Variants in CSGALNACT1 observed in about 807,000 individuals in gnomAD.
CSGALNACT1 encodes chondroitin sulfate N-acetylgalactosaminyltransferase 1, also known as beta4GalNAcT-1.
CSGALNACT1 carries 52 observed loss-of-function variants against 51.0 expected under a neutral mutation model. That is an observed-to-expected ratio of 1.02 (90% confidence interval 0.82 to 1.29). CSGALNACT1 has a LOEUF of 1.29. Among genes scored for constraint, CSGALNACT1 ranks in the 50% most tolerant of loss-of-function variants. The probability of loss-of-function intolerance (pLI) is 0.00; values close to 1 mark genes in which losing one functional copy is unlikely to be tolerated. For synonymous variants in CSGALNACT1, 341 were observed against 254.4 expected, an observed-to-expected ratio of 1.34 and a Z score of -3.24; for missense variants, 935 against 679.2, an observed-to-expected ratio of 1.38 and a Z score of -4.19.
At chr8:19,570,259 C>T (rs561701718) in intron 3 of CSGALNACT1, among the ~76,000 whole-genome samples, 8 of 152,196 alleles carry the variant, frequency 5.3e-5, no homozygotes, top group African/African-American at 1.9e-4. Context: ...GGCTGTTTCC[C>T]AAGGCTTAAT....
At chr8:19,724,588 T>C (rs1011276439) in intron 1 of CSGALNACT1, among the ~76,000 whole-genome samples, 2 of 152,250 alleles carry the variant, frequency 1.3e-5, no homozygotes, top group African/African-American at 4.8e-5. Flanking sequence ...TCCCTTTTGC[T>C]GCATATAATA....
chr8:19,698,988 A>C (rs1270158481), intron 1 of CSGALNACT1, among the ~76,000 whole-genome samples: 1 of 152,154 alleles, frequency 6.6e-6, no homozygotes, highest in Admixed American at 6.5e-5. Context: ...ATAATACCTG[A>C]CGCAATGTAA....
intron 3 of CSGALNACT1, among the ~76,000 whole-genome samples, chr8:19,546,292 G>A (rs1380045628): frequency 6.6e-6 from 1 of 152,118 alleles, no homozygotes; most frequent in Non-Finnish European, 1.5e-5. Flanking sequence ...TTTCATATAT[G>A]CCTAGAGGGC....
chr8:19,671,229 G>C (rs1056624961), intron 1 of CSGALNACT1, among the ~76,000 whole-genome samples: 1 of 152,278 alleles, frequency 6.6e-6, no homozygotes, highest in Non-Finnish European at 1.5e-5. Flanking sequence ...CAGAACCCAT[G>C]CCAGACCCTG....
At chr8:19,476,307 C>T (rs928862682) in intron 4 of CSGALNACT1, among the ~76,000 whole-genome samples, 3 of 152,136 alleles carry the variant, frequency 2.0e-5, no homozygotes, top group Non-Finnish European at 2.9e-5. Flanking sequence ...GGCAAGATCT[C>T]GGCTCACTGC....
At chr8:19,673,601 A>G (rs1190098419) in intron 1 of CSGALNACT1, among the ~76,000 whole-genome samples, 2 of 152,170 alleles carry the variant, frequency 1.3e-5, no homozygotes, top group Non-Finnish European at 2.9e-5. Flanking sequence ...CTATCCTGAG[A>G]AATGATCTGA....
intron 3 of CSGALNACT1, among the ~76,000 whole-genome samples, chr8:19,576,849 C>T (rs1273532125): frequency 6.6e-6 from 1 of 152,088 alleles, no homozygotes; most frequent in African/African-American, 2.4e-5. Flanking sequence ...TGACTTGTTT[C>T]CTGTGCAACT....
At chr8:19,465,548 G>T (rs2066479278) in intron 4 of CSGALNACT1, among the ~76,000 whole-genome samples, 1 of 152,196 alleles carries the variant, frequency 6.6e-6, no homozygotes, top group African/African-American at 2.4e-5. Flanking sequence ...AAGTCTAGCA[G>T]TTTCTCACAG....
intron 4 of CSGALNACT1, among the ~76,000 whole-genome samples, chr8:19,470,788 G>C (rs1243302760): frequency 1.3e-5 from 2 of 152,096 alleles, no homozygotes; most frequent in African/African-American, 2.4e-5. Context: ...CAATGTCCTG[G>C]GAACATGTGT....
At chr8:19,436,965 A>G (rs1473974571) in intron 6 of CSGALNACT1, among the ~76,000 whole-genome samples, 1 of 152,074 alleles carries the variant, frequency 6.6e-6, no homozygotes, top group Admixed American at 6.6e-5. Flanking sequence ...ACCTGGCATT[A>G]TTTTTCTCTT....
intron 1 of CSGALNACT1, among the ~76,000 whole-genome samples, chr8:19,615,719 A>C (rs1589046646): frequency 6.6e-6 from 1 of 152,366 alleles, no homozygotes; most frequent in South Asian, 2.1e-4. Flanking sequence ...AGACAGATCT[A>C]AAGTCAAGTG....
At chr8:19,585,500 C>T (rs76545552) in intron 3 of CSGALNACT1, among the ~76,000 whole-genome samples, 119 of 152,302 alleles carry the variant, frequency 7.8e-4, no homozygotes, top group African/African-American at 2.7e-3. Context: ...TAGATTCCTC[C>T]GACTTCATCT....
At chr8:19,406,654 C>T (rs2054258568) in intron 9 of CSGALNACT1, among the ~76,000 whole-genome samples, 1 of 132,242 alleles carries the variant, frequency 7.6e-6, no homozygotes, top group Non-Finnish European at 1.6e-5. Context: ...AAAAAAAGAG[C>T]TTCTACACCA....
upstream of CSGALNACT1, among the ~76,000 whole-genome samples, chr8:19,604,343 A>C (rs538066660): frequency 2.6e-5 from 4 of 152,178 alleles, no homozygotes; most frequent in Admixed American, 6.5e-5. Context: ...GCACATCCAT[A>C]ATGTGTCCAT....
intron 3 of CSGALNACT1, among the ~76,000 whole-genome samples, chr8:19,566,450 AG>A (rs1199049381): frequency 6.6e-6 from 1 of 152,332 alleles, no homozygotes; most frequent in South Asian, 2.1e-4. Flanking sequence ...TAAGCTTAAA[AG>A]CCTTATGTTT....
intron 3 of CSGALNACT1, among the ~76,000 whole-genome samples, chr8:19,522,954 T>C (rs1473266270): frequency 6.6e-6 from 1 of 152,182 alleles, no homozygotes; most frequent in Non-Finnish European, 1.5e-5. Flanking sequence ...TATCCTGACA[T>C]ATAACAAGGC....
At chr8:19,488,370 C>T (rs28380458) in intron 4 of CSGALNACT1, among the ~76,000 whole-genome samples, 42 of 114,470 alleles carry the variant, frequency 3.7e-4, no homozygotes, top group East Asian at 8.3e-4. Context: ...TTTATATATA[C>T]ATATATATAT....
In CSGALNACT1 at chr8:19,757,634, A is replaced by G. The variant is rs1479787864; in HGVS notation, c.-297+216T>C. Among the ~76,000 whole-genome samples, 1 of 152,108 alleles carries G rather than the reference A, an allele frequency of 6.6e-6. No individual in the cohort carries two copies. Among genetic ancestry groups the G allele is most frequent in the African/African-American group, 2.4e-5 (1 of 41,432 alleles). On this transcript the variant is annotated intron_variant, in intron 1 of 1. Transcript: ENST00000517494. This position sits in a 1 kb window ranked among gnomAD's most constrained non-coding sequence, Gnocchi z 4.0. ...ACTGTGGCGTGGCCCGAGTTGCAGGAGAGAGGTGTCCAATCTCCATGGGGT... is the reference window on the plus strand; with the variant it reads ...ACTGTGGCGTGGCCCGAGTTGCAGGGGAGAGGTGTCCAATCTCCATGGGGT...
intron 4 of CSGALNACT1, among the ~76,000 whole-genome samples, chr8:19,468,786 G>A (rs2067334637): frequency 6.6e-6 from 1 of 152,178 alleles, no homozygotes; most frequent in South Asian, 2.1e-4. Flanking sequence ...TAGATTGGAA[G>A]CTTGGCGGGC....
Sources: allele counts gnomAD v4.1 joint callset (sites outside exome capture counted in the v4.1 genomes callset), GRCh38; gene constraint gnomAD v4.1.1; non-coding constraint Gnocchi (gnomAD v3.1); transcripts MANE v1.5; gene names NCBI Gene and HGNC (gene_info 2026-07-23, HGNC 2026-07-21).